Variants in VPS13B observed in about 807,000 individuals in gnomAD.
The protein encoded by VPS13B is vacuolar protein sorting 13 homolog B, also known as intermembrane lipid transfer protein VPS13B.
VPS13B carries 285 observed loss-of-function variants against 426.4 expected under a neutral mutation model. The ratio of observed to expected loss-of-function variants is 0.67; its 90% CI spans 0.61 to 0.74. VPS13B has a LOEUF of 0.74. Ranked by LOEUF, VPS13B falls within the 30% of genes least tolerant of loss-of-function variation. VPS13B has a pLI of 0.00. For synonymous variants in VPS13B, 1,676 were observed against 1,676.4 expected (o/e 1.00, Z 0.01); for missense variants, 4,537 against 4,782.6 (o/e 0.95, Z 1.51).
chr8:99,235,999 A>G lies in VPS13B; in HGVS notation c.2516-38199A>G, dbSNP rs753430886. Among the ~76,000 whole-genome samples, 3 of 152,200 alleles carry G rather than the reference A, an allele frequency of 2.0e-5. No individual in the cohort carries two copies. The South Asian group carries it at 6.2e-4, about 31-fold the overall frequency. ...AAAAACAGCTGCGTAGTATCCGAAT[A>G]AGTAATATAGGATGCATTTTAACAA... On this transcript the variant is annotated intron_variant, in intron 17 of 61. Transcript: ENST00000357162.
chr8:99,484,863 A>G (rs1217112397), intron 25 of VPS13B, among the ~76,000 whole-genome samples: 2 of 151,962 alleles, frequency 1.3e-5, no homozygotes, highest in Non-Finnish European at 2.9e-5. Context: ...AAAAAAAAAA[A>G]AGAGATAATG....
chr8:99,431,469 A>G lies in VPS13B; in HGVS notation c.3083-68A>G. The G allele has an allele frequency of 3.2e-6, 5 of 1,559,862 alleles. No homozygotes were observed. In the South Asian group the frequency reaches 3.5e-5, roughly 11 times the overall value. On this transcript the variant is annotated intron_variant, in intron 21 of 61. Coordinates refer to ENST00000357162, the MANE Select transcript of VPS13B (RefSeq NM_152564.5). The stretch of plus-strand genomic sequence containing the variant: ...CAAGGAAAGAAACAATCTTGAAAAT[A>G]CGTTTGGTATGTTCTGTGAAATTGT...
rs78418443 is a variant in VPS13B, at chr8:99,398,140, C to T, written c.3082+6436C>T. ...TTTTTAGTGTTGCTTAGATATTTCA[C>T]AGTAAGAGATATAGACTTGGGAGTC... On this transcript the variant is annotated intron_variant, in intron 21 of 61. Coordinates refer to ENST00000357162, the MANE Select transcript of VPS13B (RefSeq NM_152564.5). 2.7e-3 allele frequency among the ~76,000 whole-genome samples: 413 copies of T among 152,216 alleles called. 8 individuals carry two copies. The East Asian group carries it at 0.045, about 17-fold the overall frequency.
chr8:99,067,123 C>T (rs1844565764), intron 3 of VPS13B, among the ~76,000 whole-genome samples: 1 of 152,162 alleles, frequency 6.6e-6, no homozygotes, highest in Non-Finnish European at 1.5e-5. Context: ...TACCATTTGA[C>T]CCAGCCATCC....
chr8:99,475,910 A>T (rs1249598260), intron 24 of VPS13B, among the ~76,000 whole-genome samples: 1 of 152,232 alleles, frequency 6.6e-6, no homozygotes, highest in East Asian at 1.9e-4. Context: ...AGTAACTCTT[A>T]TCTCTTTATG....
intron 17 of VPS13B, among the ~76,000 whole-genome samples, chr8:99,230,253 C>G (rs1369557056): frequency 6.6e-6 from 1 of 152,066 alleles, no homozygotes; most frequent in African/African-American, 2.4e-5. Flanking sequence ...ATTTTAAACT[C>G]TTCATGTGAA....
At chr8:99,113,140 C>T (rs1847460944) in intron 6 of VPS13B, among the ~76,000 whole-genome samples, 1 of 151,508 alleles carries the variant, frequency 6.6e-6, no homozygotes, top group Admixed American at 6.6e-5. Flanking sequence ...TCCCTGTCAC[C>T]CAGGCTGGAG....
chr8:99,447,818 T>C (rs966294409), intron 23 of VPS13B, among the ~76,000 whole-genome samples: 1 of 152,068 alleles, frequency 6.6e-6, no homozygotes, highest in Non-Finnish European at 1.5e-5. Flanking sequence ...ATCGTGTTGC[T>C]GTAAATAGAA....
chr8:99,359,578 A>G (rs566526871), intron 19 of VPS13B, among the ~76,000 whole-genome samples: 1 of 152,350 alleles, frequency 6.6e-6, no homozygotes, highest in East Asian at 1.9e-4. Flanking sequence ...AAAGGTACAA[A>G]TATCTTTAAA....
intron 35 of VPS13B, among the ~76,000 whole-genome samples, chr8:99,682,863 A>G (rs1056524007): frequency 2.6e-5 from 4 of 152,214 alleles, no homozygotes; most frequent in Non-Finnish European, 4.4e-5. Context: ...GATGCTGTCC[A>G]GGAGCCAGGG....
intron 30 of VPS13B, among the ~76,000 whole-genome samples, chr8:99,529,822 G>C (rs373572926): frequency 6.6e-6 from 1 of 152,290 alleles, no homozygotes; most frequent in African/African-American, 2.4e-5. Flanking sequence ...ACCTGTCATA[G>C]TGTTCAGTTT....
rs143251953 is a variant in VPS13B, at chr8:99,520,582, T to C, written c.4634-317T>C. Among the ~76,000 whole-genome samples the C allele has an allele frequency of 2.1e-3, 325 of 152,170 alleles. 2 individuals carry two copies. Among genetic ancestry groups the C allele is most frequent in the African/African-American group, 6.6e-3 (272 of 41,522 alleles). ...TAGGAGAAATATGCAGATTGTGAAG[T>C]TAGATAAACATTTGGCTTCAATATT... On this transcript the variant is annotated intron_variant, in intron 29 of 61. Coordinates refer to ENST00000357162, the MANE Select transcript of VPS13B (RefSeq NM_152564.5).
chr8:99,053,673 TC>T (rs1843681859), intron 3 of VPS13B, among the ~76,000 whole-genome samples: 1 of 150,862 alleles, frequency 6.6e-6, no homozygotes, highest in African/African-American at 2.4e-5. Flanking sequence ...CCTTTTTTTT[TC>T]CTTTTTTTTT....
At chr8:99,584,683 G>T (rs1826223084) in intron 33 of VPS13B, among the ~76,000 whole-genome samples, 1 of 152,198 alleles carries the variant, frequency 6.6e-6, no homozygotes, top group Non-Finnish European at 1.5e-5. Flanking sequence ...AGACTTATGA[G>T]TCCAGGGAAG....
intron 61 of VPS13B, 55 bp downstream of exon 61, chr8:99,871,752 C>T: frequency 1.2e-6 from 2 of 1,610,106 alleles, no homozygotes; most frequent in Non-Finnish European, 1.7e-6. Context: ...GGTTGAGGAG[C>T]AGGCTGGTCA....
intron 39 of VPS13B, among the ~76,000 whole-genome samples, chr8:99,764,764 A>T (rs1811126239): frequency 6.6e-6 from 1 of 152,136 alleles, no homozygotes; most frequent in Non-Finnish European, 1.5e-5. Flanking sequence ...TACATCCTAT[A>T]GATCTGCATG....
At chr8:99,683,681 C>T (rs1359101110) in intron 35 of VPS13B, among the ~76,000 whole-genome samples, 1 of 152,088 alleles carries the variant, frequency 6.6e-6, no homozygotes, top group Non-Finnish European at 1.5e-5. Context: ...TATAGAAACT[C>T]AATTGATTTT....
At chr8:99,823,731 C>T (rs987232713) in intron 50 of VPS13B, 101 bp from the exon 51 acceptor site, 2 of 1,291,080 alleles carry the variant, frequency 1.5e-6, no homozygotes, top group Non-Finnish European at 2.2e-6. Context: ...TTGGTACTGT[C>T]CTGGCAGACA....
intron 39 of VPS13B, among the ~76,000 whole-genome samples, chr8:99,761,696 C>T (rs1810937965): frequency 1.3e-5 from 2 of 152,046 alleles, no homozygotes; most frequent in African/African-American, 4.8e-5. Flanking sequence ...CTTTATATTC[C>T]GTTATTTGTA....
Sources: gnomAD v4.1 joint callset for allele counts (sites outside exome capture counted in the v4.1 genomes callset) on GRCh38, gnomAD v4.1.1 for gene constraint, MANE v1.5 for transcripts, NCBI Gene and HGNC (gene_info 2026-07-23, HGNC 2026-07-21) for gene names.